The following PLEKHA7 variants were observed in gnomAD, a reference collection of about 807,000 sequenced individuals.
The protein encoded by PLEKHA7 is pleckstrin homology domain containing A7.
Under a neutral mutation model 170.0 loss-of-function variants are expected in PLEKHA7, and 104 were observed. The ratio of observed to expected loss-of-function variants is 0.61; its 90% confidence interval spans 0.52 to 0.72. The LOEUF is 0.72. Among genes scored for constraint, PLEKHA7 ranks in the 30% least tolerant of loss-of-function variants. The pLI is 0.00. For synonymous variants in PLEKHA7, 648 were observed against 660.8 expected (o/e 0.98, Z 0.30); for missense variants, 1,615 against 1,671.7 (o/e 0.97, Z 0.59).
chr11:16,887,332 GTCTCCCTCTCCCTCTCCCCACGGTCTGCC>G (rs1856197340), intron 3 of PLEKHA7, among the ~76,000 whole-genome samples: 2 of 68,404 alleles, frequency 2.9e-5, no homozygotes, highest in African/African-American at 7.2e-5. Flanking sequence ...TCTCCCCACG[GTCTCCCTCTCCCTCTCCCCACGGTCTGCC>G]TCTCCCTCTC....
intron 3 of PLEKHA7, among the ~76,000 whole-genome samples, chr11:16,968,898 C>G (rs964914304): frequency 1.3e-5 from 2 of 152,178 alleles, no homozygotes; most frequent in Non-Finnish European, 2.9e-5. Flanking sequence ...CTAATATGCC[C>G]CCCATACCCA....
intron 3 of PLEKHA7, among the ~76,000 whole-genome samples, chr11:16,999,792 C>T (rs1476861075): frequency 6.6e-6 from 1 of 152,170 alleles, no homozygotes; most frequent in Non-Finnish European, 1.5e-5. Context: ...ATTCTAGAGA[C>T]AGAGAAGCTG....
chr11:16,949,165 ATC>A (rs1861249079), intron 3 of PLEKHA7, among the ~76,000 whole-genome samples: 1 of 151,210 alleles, frequency 6.6e-6, no homozygotes, highest in Non-Finnish European at 1.5e-5. Context: ...TTATCTGTCT[ATC>A]TGTTTCAGTG....
intron 3 of PLEKHA7, among the ~76,000 whole-genome samples, chr11:16,990,818 T>C (rs1190597526): frequency 6.6e-6 from 1 of 152,214 alleles, no homozygotes; most frequent in Non-Finnish European, 1.5e-5. Context: ...GTGAATCCTA[T>C]TGTTCTGGGC....
At chr11:16,950,290 C>T (rs568686711) in intron 3 of PLEKHA7, among the ~76,000 whole-genome samples, 1 of 152,232 alleles carries the variant, frequency 6.6e-6, no homozygotes, top group South Asian at 2.1e-4. Context: ...TTAAGGCATA[C>T]TAGCCTTCAA....
chr11:16,798,354 C>A (rs1043805089), intron 17 of PLEKHA7, among the ~76,000 whole-genome samples: 5 of 152,100 alleles, frequency 3.3e-5, no homozygotes, highest in African/African-American at 1.2e-4. Context: ...AGGTGGAAAT[C>A]AAGATGCAGG....
At chr11:16,927,041 C>T (rs929790323) in intron 3 of PLEKHA7, among the ~76,000 whole-genome samples, 2 of 150,866 alleles carry the variant, frequency 1.3e-5, no homozygotes, top group Admixed American at 6.6e-5. Flanking sequence ...GGCGTGGTAG[C>T]GCTAGCCCGC....
At chr11:16,780,090 A>C (rs1317388635) in intron 26 of PLEKHA7, among the ~76,000 whole-genome samples, 1 of 152,180 alleles carries the variant, frequency 6.6e-6, no homozygotes, top group Non-Finnish European at 1.5e-5. Flanking sequence ...GTATACGTAA[A>C]GGAAGGAGAG....
chr11:16,786,594 G>C, intron 23 of PLEKHA7: 1 of 985,402 alleles, frequency 1.0e-6, no homozygotes, highest in South Asian at 4.7e-5. Flanking sequence ...GTTCCCAGAG[G>C]TTTCAAACAT....
At position 16,824,077 on chromosome 11, in the gene PLEKHA7, T is replaced by C. The variant is rs186582374; in HGVS notation, c.1343+2043A>G. ...ATTAAAACAATTGAACTCATGGAGA[T>C]AGAGTAGAATAATGGTTACCAGAGG... On this transcript the variant is annotated intron_variant, in intron 10 of 26. Coordinates refer to ENST00000531066, the MANE Select transcript of PLEKHA7 (RefSeq NM_001329630.2). Among the ~76,000 whole-genome samples, 8 of 152,206 alleles carry C rather than the reference T, an allele frequency of 5.3e-5. No individual in the cohort carries two copies. The East Asian group carries it at 1.4e-3, about 26-fold the overall frequency.
intron 3 of PLEKHA7, among the ~76,000 whole-genome samples, chr11:16,941,659 ATTAT>A (rs1860701251): frequency 1.3e-5 from 2 of 152,340 alleles, no homozygotes; most frequent in Non-Finnish European, 2.9e-5. Flanking sequence ...TGAGCAAGGT[ATTAT>A]TTATTAGCTT....
At chr11:16,965,290 T>C (rs1183002571) in intron 3 of PLEKHA7, among the ~76,000 whole-genome samples, 1 of 151,826 alleles carries the variant, frequency 6.6e-6, no homozygotes, top group African/African-American at 2.4e-5. Flanking sequence ...ACCACTGCGC[T>C]CTAGCCTGGA....
At position 17,013,940 on chromosome 11, in the gene PLEKHA7, ACC is replaced by A. The variant is rs545393853; in HGVS notation, c.221+47_221+48del. On this transcript the variant is annotated intron_variant, in intron 3 of 26. Coordinates refer to ENST00000531066, the MANE Select transcript of PLEKHA7 (RefSeq NM_001329630.2). ...GGGCGCCCGGCGGGAACGGGGAGGG[ACC>A]CCCCCCCCGCGGCACAGGTGCGAGC... 1.1e-4 allele frequency: 146 copies of A among 1,297,958 alleles called. No homozygotes were observed. The African/African-American group carries it at 2.3e-3, about 20-fold the overall frequency. The allele number at this position is 1,297,958 out of a possible 1,614,324, so 80.4% of individuals were successfully genotyped here.
chr11:16,786,358 CT>C lies in PLEKHA7; in HGVS notation c.3386del (p.Gln1129ArgfsTer20). Reference sequence around the variant, plus strand: ...CCCCTTGCACGACCCGTTCCAGCAACTGCAGGTCAAAGTCCTGCTCACGCTT... The same window carrying C: ...CCCCTTGCACGACCCGTTCCAGCAACGCAGGTCAAAGTCCTGCTCACGCTT... ...SWKREQDFDL[Q>X]LLERVVQGEK... is the part of the protein sequence containing the mutation. On this transcript the variant is annotated frameshift_variant, in exon 24 of 27. Transcript: ENST00000531066. LOFTEE classifies it high-confidence loss of function. 1 of 1,536,194 alleles carries C rather than the reference CT, an allele frequency of 6.5e-7. No homozygotes were observed. The highest frequency in any genetic ancestry group is 8.7e-7 in the Non-Finnish European group (1 of 1,146,922).
intron 13 of PLEKHA7, among the ~76,000 whole-genome samples, chr11:16,804,817 G>A (rs116415345): frequency 0.01 from 1,591 of 152,286 alleles, 34 homozygotes; most frequent in African/African-American, 0.036. Flanking sequence ...GTACATACAC[G>A]TATACACACA....
intron 3 of PLEKHA7, among the ~76,000 whole-genome samples, chr11:16,882,996 CA>C (rs1407874435): frequency 6.6e-6 from 1 of 152,184 alleles, no homozygotes; most frequent in Non-Finnish European, 1.5e-5. Flanking sequence ...CTTCATTTCA[CA>C]AAAGAGGAAA....
intron 17 of PLEKHA7, 22 bp downstream of exon 17, chr11:16,800,952 A>T: frequency 6.3e-7 from 1 of 1,592,826 alleles, no homozygotes; most frequent in Non-Finnish European, 8.6e-7. Flanking sequence ...AGCTCAGAAG[A>T]GATGGACAGG....
chr11:16,816,732 C>A (rs1849783461), intron 11 of PLEKHA7, 68 bp downstream of exon 11: 23 of 1,556,198 alleles, frequency 1.5e-5, no homozygotes, highest in Non-Finnish European at 1.7e-5. Context: ...AATTTGTGTT[C>A]AAACCAGGCA....
chr11:16,889,420 A>AAAAAAAAAAAAT (rs61086849), intron 3 of PLEKHA7, among the ~76,000 whole-genome samples: 13 of 74,690 alleles, frequency 1.7e-4, no homozygotes, highest in Non-Finnish European at 2.1e-4. Context: ...AAAAAAAAAA[A>AAAAAAAAAAAAT]ATATATATAT....
Sources: gnomAD v4.1 joint callset for allele counts (sites outside exome capture counted in the v4.1 genomes callset) on GRCh38, gnomAD v4.1.1 for gene constraint, MANE v1.5 for transcripts, NCBI Gene and HGNC (gene_info 2026-07-23, HGNC 2026-07-21) for gene names.